The following RGMA variants were observed in gnomAD, a reference collection of about 807,000 sequenced individuals.
The protein encoded by RGMA is repulsive guidance molecule A.
RGMA carries 10 observed loss-of-function variants against 23.2 expected under a neutral mutation model. The observed-to-expected ratio is 0.43, with a 90% CI of 0.27 to 0.73. The LOEUF (loss-of-function observed/expected upper bound fraction) is 0.73, where lower values mean the gene tolerates loss of function less well. Ranked by LOEUF, RGMA falls within the 30% of genes least tolerant of loss-of-function variation. The probability of loss-of-function intolerance (pLI) is 0.20; values close to 1 mark genes in which losing one functional copy is unlikely to be tolerated. For synonymous variants in RGMA, 308 were observed against 279.3 expected (o/e 1.10, Z -1.03); for missense variants, 547 against 630.5 (o/e 0.87, Z 1.42).
intron 2 of RGMA, chr15:93,065,627 G>A (rs1204691961): frequency 2.2e-5 from 19 of 865,490 alleles, no homozygotes. Flanking sequence ...GTTGATAGGG[G>A]CTGAGGTCTC....
chr15:93,081,227 C>A (rs1238020342), intron 1 of RGMA, among the ~76,000 whole-genome samples: 1 of 152,120 alleles, frequency 6.6e-6, no homozygotes, highest in Non-Finnish European at 1.5e-5. Flanking sequence ...AGTCCTGTTT[C>A]CAGGGATCCG....
Position 93,045,456 on chromosome 15 carries a change from C to T in RGMA, c.895G>A (p.Glu299Lys). The T allele has an allele frequency of 6.2e-7, 1 of 1,613,232 alleles. No individual in the cohort carries two copies. Among genetic ancestry groups the T allele is most frequent in the Non-Finnish European group, 8.5e-7 (1 of 1,179,804 alleles). Residue 299 changes from glutamate (E) to lysine (K), a missense_variant, in exon 4 of 4, where the codon GAA (glutamate) becomes AAA (lysine). Around this residue, in one of 3 missense-constraint regions of RGMA, gnomAD observed 205 missense variants for 204.1 expected, o/e 1.00. Transcript: ENST00000329082. The surrounding 1 kb of genome is among the most constrained non-coding windows in gnomAD (Gnocchi z 6.9). Reference sequence around the variant, plus strand: ...CAGTCCTCCACAGCATTGACCACTTCCTCTGGCATGCGGACGGCAAAGGTC... The same window carrying T: ...CAGTCCTCCACAGCATTGACCACTTTCTCTGGCATGCGGACGGCAAAGGTC... ...YLTFAVRMPE[E>K]VVNAVEDWDS...
Position 93,045,077 on chromosome 15 carries a change from G to T in RGMA, c.1274C>A (p.Ala425Asp). ...CCGGGGGGCCAGGGGCAGCCCCGCA[G>T]CCGCCCTGCCTGGCAGGTCCCGAGT... ...ERTRDLPGRA[A>D]AGLPLAPRPL... The change falls in exon 4 of 4, where the codon GCT becomes GAT. Residue 425 changes from alanine to aspartate, a missense_variant. Ala to Asp is a moderately radical substitution (Grantham distance 126). Around this residue, in one of 3 missense-constraint regions of RGMA, gnomAD observed 205 missense variants for 204.1 expected, o/e 1.00. Transcript: ENST00000329082. The surrounding 1 kb of genome is among the most constrained non-coding windows in gnomAD (Gnocchi z 6.9). The T allele has an allele frequency of 6.4e-7, 1 of 1,574,310 alleles. No homozygotes were observed.
chr15:93,048,245 G>A (rs1368180341), intron 3 of RGMA, among the ~76,000 whole-genome samples: 2 of 152,186 alleles, frequency 1.3e-5, no homozygotes, highest in African/African-American at 4.8e-5. Flanking sequence ...CTGGTAGCCT[G>A]AGGGGTGTGG....
intron 2 of RGMA, among the ~76,000 whole-genome samples, chr15:93,072,469 C>T (rs1406824799): frequency 6.6e-6 from 1 of 152,166 alleles, no homozygotes; most frequent in Non-Finnish European, 1.5e-5. Context: ...CTGTCGGGAA[C>T]TCGGCTGGGA....
At chr15:93,065,241 G>C (rs535298518) in intron 2 of RGMA, among the ~76,000 whole-genome samples, 1 of 152,130 alleles carries the variant, frequency 6.6e-6, no homozygotes, top group South Asian at 2.1e-4. Context: ...TGGCTTCAGA[G>C]GTTGGGGGCC....
At chr15:93,081,832 T>TG (rs34725605) in intron 1 of RGMA, among the ~76,000 whole-genome samples, 2 of 151,966 alleles carry the variant, frequency 1.3e-5, no homozygotes, top group Non-Finnish European at 2.9e-5. Context: ...TGATGGGAGG[T>TG]GGGGAAAAGT....
chr15:93,088,048 C>A (rs541388487), intron 1 of RGMA, among the ~76,000 whole-genome samples: 4 of 152,320 alleles, frequency 2.6e-5, no homozygotes, highest in African/African-American at 9.6e-5. Flanking sequence ...CCCTACTCCG[C>A]CCGCGAGACA....
chr15:93,062,232 C>T (rs1318695379), intron 2 of RGMA, among the ~76,000 whole-genome samples: 1 of 152,244 alleles, frequency 6.6e-6, no homozygotes, highest in Non-Finnish European at 1.5e-5. Flanking sequence ...TTCTATGTGC[C>T]GGGCACTGTG....
intron 2 of RGMA, among the ~76,000 whole-genome samples, chr15:93,060,434 A>G (rs892156125): frequency 1.3e-5 from 2 of 152,212 alleles, no homozygotes; most frequent in Non-Finnish European, 2.9e-5. Flanking sequence ...AGATCCAACA[A>G]CAGAAATCCC....
Position 93,056,761 on chromosome 15 carries a change from C to T in RGMA, c.131-4254G>A, listed in dbSNP as rs147707602. On this transcript the variant is annotated intron_variant, in intron 2 of 3. Transcript: ENST00000329082. Reference sequence around the variant, plus strand: ...CCACTCTGTCCCCTACCAGTAGTTTCGGGAACTTGACTCAGCCTGTTTCCT... The same window carrying T: ...CCACTCTGTCCCCTACCAGTAGTTTTGGGAACTTGACTCAGCCTGTTTCCT... Among the ~76,000 whole-genome samples, 276 of 152,276 alleles carry T rather than the reference C, an allele frequency of 1.8e-3. 1 individual carries two copies. The highest frequency in any genetic ancestry group is 6.1e-3 in the African/African-American group (255 of 41,542).
chr15:93,086,289 A>G (rs989990557), intron 1 of RGMA, among the ~76,000 whole-genome samples: 3 of 152,196 alleles, frequency 2.0e-5, no homozygotes, highest in Admixed American at 2.0e-4. Context: ...TTCGTTTCAC[A>G]GAACTAACAG....
chr15:93,048,303 A>G (rs1371972772), intron 3 of RGMA, among the ~76,000 whole-genome samples: 3 of 152,272 alleles, frequency 2.0e-5, no homozygotes, highest in Admixed American at 6.5e-5. Flanking sequence ...CTTCTGAAGA[A>G]GGAAAATGTG....
intron 1 of RGMA, among the ~76,000 whole-genome samples, chr15:93,083,128 C>G (rs1895584782): frequency 1.3e-5 from 2 of 152,228 alleles, no homozygotes; most frequent in African/African-American, 4.8e-5. Flanking sequence ...CCAACAGCAT[C>G]CATTTACTCA....
At chr15:93,077,742 T>TCG (rs1371291384) in intron 1 of RGMA, among the ~76,000 whole-genome samples, 1 of 152,216 alleles carries the variant, frequency 6.6e-6, no homozygotes, top group Non-Finnish European at 1.5e-5. Context: ...AGCTGCCCTG[T>TCG]CGCCCAGGAG....
chr15:93,065,558 A>G, intron 2 of RGMA: 1 of 703,590 alleles, frequency 1.4e-6, no homozygotes, highest in South Asian at 1.3e-5. Flanking sequence ...AGCAGATGGC[A>G]GCTCTGGGTG....
At position 93,050,601 on chromosome 15, in the gene RGMA, G is replaced by A. The variant is rs545914524; in HGVS notation, c.645+1392C>T. 1.5e-4 allele frequency among the ~76,000 whole-genome samples: 23 copies of A among 152,268 alleles called. 1 individual carries two copies. Among genetic ancestry groups the A allele is most frequent in the African/African-American group, 2.9e-4 (12 of 41,554 alleles). ...AGTTCTCCCTCCACTGCTCCACCCC[G>A]TCACATCACCCCCATCCATAATGGG... On this transcript the variant is annotated intron_variant, in intron 3 of 3. Coordinates refer to ENST00000329082, the MANE Select transcript of RGMA (RefSeq NM_020211.3).
chr15:93,058,157 A>C (rs2055044148), intron 2 of RGMA, among the ~76,000 whole-genome samples: 2 of 152,224 alleles, frequency 1.3e-5, no homozygotes, highest in African/African-American at 4.8e-5. Flanking sequence ...AAGAAAAATA[A>C]GGATACTTGC....
rs1235953677 is a variant in RGMA at position 93,045,170 on chromosome 15, G to A, written c.1181C>T (p.Ala394Val). The A allele has an allele frequency of 1.2e-6, 2 of 1,608,102 alleles. No homozygotes were observed. Among genetic ancestry groups the A allele is most frequent in the African/African-American group, 1.3e-5 (1 of 74,966 alleles). The change falls in exon 4 of 4, where the codon GCC becomes GTC. Residue 394 changes from alanine (A) to valine (V), a missense_variant. Ala to Val is a moderately conservative substitution (Grantham distance 64). This residue lies in a region of RGMA where 205 missense variants were observed against 204.1 expected (regional missense o/e 1.00). Transcript: ENST00000329082. The surrounding 1 kb of genome is among the most constrained non-coding windows in gnomAD (Gnocchi z 6.9). ...TTGDVNFTLA[A>V]YYALEDVKML... ...CTTGACATCCTCCAACGCGTAGTAG[G>A]CGGCCAGTGTGAAGTTCACGTCGCC... is the stretch of plus-strand genomic sequence containing the variant.
Sources: allele counts gnomAD v4.1 joint callset (sites outside exome capture counted in the v4.1 genomes callset), GRCh38; gene constraint gnomAD v4.1.1; regional missense constraint gnomAD v4.1.1; non-coding constraint Gnocchi (gnomAD v3.1); transcripts MANE v1.5; gene names NCBI Gene and HGNC (gene_info 2026-07-23, HGNC 2026-07-21).